MEI4: variants seen among roughly 807,000 people sequenced by gnomAD.
The protein encoded by MEI4 is meiosis-specific protein MEI4.
A neutral mutation model predicts 31.4 loss-of-function variants in MEI4; 27 were observed. That is an observed-to-expected ratio of 0.86 (90% confidence interval 0.63 to 1.19). The LOEUF (loss-of-function observed/expected upper bound fraction) is 1.19. MEI4 is among the 50% of genes most tolerant of loss of function. The probability of loss-of-function intolerance (pLI) is 0.00; values close to 1 mark genes in which losing one functional copy is unlikely to be tolerated. For missense variants in MEI4, 329 were observed against 398.9 expected, an observed-to-expected ratio of 0.82 and a Z score of 1.49; for synonymous variants, 122 against 145.4, an observed-to-expected ratio of 0.84 and a Z score of 1.16.
chr6:77,851,550 G>A (rs532255833), intron 4 of MEI4, among the ~76,000 whole-genome samples: 4 of 146,724 alleles, frequency 2.7e-5, no homozygotes, highest in African/African-American at 5.0e-5. Context: ...ACCAAACACC[G>A]CATGTTCTCG....
chr6:77,829,610 G>A (rs1358971342), intron 4 of MEI4, among the ~76,000 whole-genome samples: 2 of 152,146 alleles, frequency 1.3e-5, no homozygotes, highest in African/African-American at 4.8e-5. Context: ...ACTGCTCTAA[G>A]CCCTTTTATC....
intron 2 of MEI4, chr6:77,716,819 A>G: frequency 3.1e-6 from 3 of 956,492 alleles, no homozygotes; most frequent in Non-Finnish European, 3.7e-6. Flanking sequence ...GAAGTTGAAC[A>G]AGGAGAATAT....
At chr6:77,877,885 A>T (rs1771383106) in intron 4 of MEI4, among the ~76,000 whole-genome samples, 1 of 152,126 alleles carries the variant, frequency 6.6e-6, no homozygotes, top group African/African-American at 2.4e-5. Flanking sequence ...CTTGTAAAAG[A>T]TAATCCATGG....
intron 2 of MEI4, among the ~76,000 whole-genome samples, chr6:77,750,661 A>G (rs112881604): frequency 0.15 from 22,782 of 152,066 alleles, 2,053 homozygotes; most frequent in East Asian, 0.39. Context: ...ACTCCCACAC[A>G]ATAATATTGG....
intron 4 of MEI4, among the ~76,000 whole-genome samples, chr6:77,869,511 G>A (rs13209839): frequency 0.069 from 10,570 of 152,092 alleles, 552 homozygotes; most frequent in Non-Finnish European, 0.11. Flanking sequence ...GGAAAGCCAC[G>A]TGAAGGGGCA....
In MEI4 at chr6:77,761,592, A is replaced by G; in HGVS notation, c.695A>G (p.Lys232Arg). ...AACTTATCTAGTCATATTCTTAAAA[A>G]GTGTTCCAAGAAGTTGGAAGAATTT... Reference protein sequence around the residue: ...DYNLSSHILKKCSKKLEEFEK... With the variant: ...DYNLSSHILKRCSKKLEEFEK... The change falls in exon 3 of 5, where the codon AAG becomes AGG. Residue 232 changes from lysine (K) to arginine (R), a missense_variant. Lys to Arg is a conservative substitution (Grantham distance 26). Transcript: ENST00000684080. 8.1e-7 allele frequency: 1 copy of G among 1,232,016 alleles called. No individual in the cohort carries two copies. The highest frequency in any genetic ancestry group is 3.1e-4 in the Middle Eastern group (1 of 3,206). The allele number at this position is 1,232,016 out of a possible 1,614,324, so 76.3% of individuals were successfully genotyped here.
upstream of MEI4, among the ~76,000 whole-genome samples, chr6:77,652,330 G>A (rs1768312994): frequency 6.6e-6 from 1 of 152,228 alleles, no homozygotes; most frequent in Admixed American, 6.5e-5. Flanking sequence ...TTTAAGAGTA[G>A]AGGAGTGCTC....
intron 3 of MEI4, among the ~76,000 whole-genome samples, chr6:77,827,099 A>G (rs1056922757): frequency 1.4e-4 from 22 of 152,004 alleles, no homozygotes; most frequent in African/African-American, 3.6e-4. Flanking sequence ...GGTGGCTCAC[A>G]CCTGTAATCC....
chr6:77,853,967 T>A (rs1404394346), intron 4 of MEI4, among the ~76,000 whole-genome samples: 6 of 152,204 alleles, frequency 3.9e-5, no homozygotes, highest in Admixed American at 3.9e-4. Flanking sequence ...CAGTTATGAA[T>A]CTTGGAGAGT....
At position 77,719,480 on chromosome 6, in the gene MEI4, C is replaced by T. The variant is rs1465746493; in HGVS notation, c.232+28577C>T. On this transcript the variant is annotated intron_variant, in intron 2 of 4. Coordinates refer to ENST00000684080, the MANE Select transcript of MEI4 (RefSeq NM_001322247.2). Reference sequence around the variant, plus strand: ...TGCTCTCCCTAGGCAAATAGGATAACGATACCCAATGGAAATATTTATCAT... The same window carrying T: ...TGCTCTCCCTAGGCAAATAGGATAATGATACCCAATGGAAATATTTATCAT... Among the ~76,000 whole-genome samples the T allele has an allele frequency of 8.9e-5, 4 of 45,100 alleles. 1 individual carries two copies. Among genetic ancestry groups the T allele is most frequent in the Admixed American group, 5.4e-4 (2 of 3,676 alleles). 29.6% of individuals were successfully genotyped at this position (45,100 alleles called of 152,430 possible). A position where few individuals can be genotyped will look rare whatever the true frequency, so the allele number is the denominator to read the frequency against.
intron 1 of MEI4, among the ~76,000 whole-genome samples, chr6:77,672,841 A>G (rs1768771887): frequency 6.6e-6 from 1 of 152,346 alleles, no homozygotes; most frequent in South Asian, 2.1e-4. Context: ...CCCATCCTAC[A>G]TTCTGTTTTA....
intron 2 of MEI4, among the ~76,000 whole-genome samples, chr6:77,708,232 A>C (rs1766374435): frequency 1.3e-5 from 2 of 152,220 alleles, no homozygotes; most frequent in Admixed American, 6.5e-5. Context: ...CACCCCTTAC[A>C]CCAGTATGTC....
intron 4 of MEI4, among the ~76,000 whole-genome samples, chr6:77,882,499 T>C (rs1771513210): frequency 6.6e-6 from 1 of 152,196 alleles, no homozygotes; most frequent in Non-Finnish European, 1.5e-5. Context: ...TGCATGGTTT[T>C]TTTCTATCTT....
At chr6:77,907,392 GT>G (rs1175107872) in intron 4 of MEI4, among the ~76,000 whole-genome samples, 1 of 151,996 alleles carries the variant, frequency 6.6e-6, no homozygotes, top group Non-Finnish European at 1.5e-5. Flanking sequence ...GCAGTGTTTG[GT>G]TTTTTGTCCT....
At chr6:77,746,052 T>C (rs1767592740) in intron 2 of MEI4, among the ~76,000 whole-genome samples, 1 of 151,766 alleles carries the variant, frequency 6.6e-6, no homozygotes, top group South Asian at 2.1e-4. Context: ...AACATCACAA[T>C]TAAAAGAACT....
At chr6:77,902,806 G>A (rs1188979721) in intron 4 of MEI4, among the ~76,000 whole-genome samples, 2 of 152,168 alleles carry the variant, frequency 1.3e-5, no homozygotes, top group East Asian at 3.9e-4. Context: ...TATCACCTTT[G>A]CTTCAAGTTG....
intron 2 of MEI4, among the ~76,000 whole-genome samples, chr6:77,697,099 G>A (rs1257780415): frequency 6.6e-6 from 1 of 152,166 alleles, no homozygotes; most frequent in African/African-American, 2.4e-5. Flanking sequence ...ATTTCTGTGT[G>A]ATCGGTGGTG....
chr6:77,888,346 T>TTCTCTCTTA (rs1554173054), intron 4 of MEI4, among the ~76,000 whole-genome samples: 1 of 147,440 alleles, frequency 6.8e-6, no homozygotes. Context: ...TTTTTTTTTT[T>TTCTCTCTTA]CTCTCTTACT....
At chr6:77,786,045 C>G (rs898936852) in intron 3 of MEI4, among the ~76,000 whole-genome samples, 2 of 152,068 alleles carry the variant, frequency 1.3e-5, no homozygotes, top group Non-Finnish European at 2.9e-5. Context: ...AGTTCACATT[C>G]CCAAATGCCT....
Sources: gnomAD v4.1 joint callset for allele counts (sites outside exome capture counted in the v4.1 genomes callset) on GRCh38, gnomAD v4.1.1 for gene constraint, MANE v1.5 for transcripts, NCBI Gene and HGNC (gene_info 2026-07-23, HGNC 2026-07-21) for gene names.